PSMG2: variants seen among roughly 807,000 people sequenced by gnomAD.
The protein encoded by PSMG2 is CD40 ligand-activated specific transcript 3.
PSMG2 carries 21 observed loss-of-function variants against 31.5 expected under a neutral mutation model. The observed-to-expected ratio is 0.67, with a 90% CI of 0.47 to 0.96. The LOEUF (loss-of-function observed/expected upper bound fraction) is 0.96, where lower values mean the gene tolerates loss of function less well. Ranked by LOEUF, PSMG2 falls within the 40% of genes least tolerant of loss-of-function variation. PSMG2 has a pLI of 0.00. For missense variants in PSMG2, 318 were observed against 321.2 expected, an observed-to-expected ratio of 0.99 and a Z score of 0.08; for synonymous variants, 120 against 110.4, an observed-to-expected ratio of 1.09 and a Z score of -0.54.
intron 1 of PSMG2, among the ~76,000 whole-genome samples, chr18:12,669,375 G>A (rs2038882652): frequency 1.3e-5 from 2 of 151,854 alleles, no homozygotes; most frequent in Non-Finnish European, 2.9e-5. Context: ...GCCTTCCAAA[G>A]TGCTGGGATT....
At chr18:12,697,087 T>C in intron 1 of PSMG2, 1 of 588,388 alleles carries the variant, frequency 1.7e-6, no homozygotes, top group South Asian at 2.8e-5. Flanking sequence ...GATGCTGAGG[T>C]CCAATTGTAA....
At chr18:12,693,224 G>A (rs2039831089) in intron 1 of PSMG2, among the ~76,000 whole-genome samples, 1 of 152,054 alleles carries the variant, frequency 6.6e-6, no homozygotes, top group Non-Finnish European at 1.5e-5. Flanking sequence ...ATATGACAGT[G>A]GAAATATAAG....
intron 3 of PSMG2, among the ~76,000 whole-genome samples, chr18:12,715,542 G>T (rs2040368490): frequency 6.6e-6 from 1 of 152,098 alleles, no homozygotes; most frequent in African/African-American, 2.4e-5. Flanking sequence ...TCTTGCTCTT[G>T]TCGCCCAGGC....
rs373091705 is a variant in PSMG2 at position 12,691,350 on chromosome 18, T to G, written c.-36-15200T>G. ...CAGGCATAAAATTATTCTAATATAA[T>G]TTACAAACCTGTGCAAAAATCTTAA... On this transcript the variant is annotated intron_variant, in intron 1 of 6. Coordinates refer to the PSMG2 transcript ENST00000585331. The G allele has an allele frequency of 1.1e-4, 162 of 1,536,888 alleles. No homozygotes were observed. The African/African-American group carries it at 1.9e-3, about 18-fold the overall frequency.
intron 5 of PSMG2, chr18:12,724,262 T>G (rs1342137704): frequency 7.6e-6 from 3 of 395,116 alleles, no homozygotes; most frequent in Non-Finnish European, 1.3e-5. Flanking sequence ...GGCTGGTTTT[T>G]CATGCAGCCA....
At chr18:12,708,442 G>A (rs146372076) in intron 2 of PSMG2, among the ~76,000 whole-genome samples, 4,013 of 151,806 alleles carry the variant, frequency 0.026, 187 homozygotes, top group African/African-American at 0.092. Flanking sequence ...TCAGCTCACC[G>A]CAGCCTCCGC....
Position 12,668,179 on chromosome 18 carries a change from C to A in PSMG2, c.-37+9406C>A, listed in dbSNP as rs377119094. Among the ~76,000 whole-genome samples the A allele has an allele frequency of 3.9e-5, 6 of 152,018 alleles. No homozygotes were observed. In the East Asian group the frequency reaches 5.8e-4, roughly 15 times the overall value. On this transcript the variant is annotated intron_variant, in intron 1 of 6. Transcript: ENST00000585331. ...ATTTGGGAGGCTGAGGCAGGAAAATCACCTGAACCTGGGAGGTGGAGGTTG... is the reference window on the plus strand; with the variant it reads ...ATTTGGGAGGCTGAGGCAGGAAAATAACCTGAACCTGGGAGGTGGAGGTTG...
intron 1 of PSMG2, chr18:12,674,441 T>TAA (rs34769779): frequency 6.0e-4 from 429 of 715,086 alleles, no homozygotes; most frequent in Middle Eastern, 1.2e-3. Context: ...GACCTTGAGT[T>TAA]AAAAAAAAAA....
intron 4 of PSMG2, among the ~76,000 whole-genome samples, chr18:12,719,195 G>C (rs879548491): frequency 1.3e-5 from 2 of 151,818 alleles, no homozygotes; most frequent in African/African-American, 4.8e-5. Context: ...GCATGTGTGA[G>C]CCCCCCGCAC....
Position 12,671,916 on chromosome 18 carries a change from G to A in PSMG2, c.-37+13143G>A, listed in dbSNP as rs537532817. On this transcript the variant is annotated intron_variant, in intron 1 of 6. Transcript: ENST00000585331. Reference sequence around the variant, plus strand: ...GCTCATCACAACCTCCGCCTCCCAGGTTCAAGCGATTCTCCTGCCTCAGTC... The same window carrying A: ...GCTCATCACAACCTCCGCCTCCCAGATTCAAGCGATTCTCCTGCCTCAGTC... 2.0e-3 allele frequency among the ~76,000 whole-genome samples: 304 copies of A among 152,152 alleles called. 1 individual carries two copies. Among genetic ancestry groups the A allele is most frequent in the African/African-American group, 6.8e-3 (283 of 41,530 alleles).
At chr18:12,710,682 C>T (rs929257817) in intron 2 of PSMG2, among the ~76,000 whole-genome samples, 13 of 152,146 alleles carry the variant, frequency 8.5e-5, no homozygotes, top group African/African-American at 2.9e-4. Context: ...CTGGAGTTAG[C>T]TCTAAAGGCT....
chr18:12,704,712 G>A (rs1258295823), intron 1 of PSMG2, among the ~76,000 whole-genome samples: 2 of 152,206 alleles, frequency 1.3e-5, no homozygotes, highest in Non-Finnish European at 2.9e-5. Context: ...TGGGGTCAAG[G>A]GAGAGCCTTT....
intron 1 of PSMG2, among the ~76,000 whole-genome samples, chr18:12,687,577 T>G (rs1218309894): frequency 6.6e-6 from 1 of 151,576 alleles, no homozygotes; most frequent in Non-Finnish European, 1.5e-5. Context: ...CTCGGCCTCC[T>G]GAGTAGCTGG....
intron 1 of PSMG2, among the ~76,000 whole-genome samples, chr18:12,697,572 G>A (rs1236514179): frequency 6.6e-6 from 1 of 152,204 alleles, no homozygotes; most frequent in East Asian, 1.9e-4. Context: ...TACAAGTACA[G>A]TCCTATTTCT....
At chr18:12,667,954 A>T (rs2038839002) in intron 1 of PSMG2, among the ~76,000 whole-genome samples, 1 of 150,890 alleles carries the variant, frequency 6.6e-6, no homozygotes, top group Non-Finnish European at 1.5e-5. Context: ...AAATCCAGCC[A>T]CATCAATAAT....
chr18:12,676,279 CTTTTTTTTTT>C (rs1157897766), intron 1 of PSMG2, among the ~76,000 whole-genome samples: 77 of 106,430 alleles, frequency 7.2e-4, no homozygotes, highest in African/African-American at 2.6e-3. Flanking sequence ...ACAGTAATTC[CTTTTTTTTTT>C]TTTTTTTTTT....
intron 3 of PSMG2, 88 bp from the exon 4 acceptor site, chr18:12,718,427 CAT>C (rs1454086143): frequency 1.8e-5 from 11 of 623,088 alleles, no homozygotes; most frequent in Non-Finnish European, 1.0e-5. Context: ...ATCATTATCA[CAT>C]AAAGTTGATG....
chr18:12,682,659 C>T (rs978623908), intron 1 of PSMG2, among the ~76,000 whole-genome samples: 6 of 151,058 alleles, frequency 4.0e-5, no homozygotes, highest in South Asian at 2.1e-4. Flanking sequence ...GACAGAGTCT[C>T]GCTCTGTCAC....
intron 1 of PSMG2, among the ~76,000 whole-genome samples, chr18:12,687,291 C>T (rs1035216364): frequency 6.6e-6 from 1 of 152,018 alleles, no homozygotes; most frequent in African/African-American, 2.4e-5. Context: ...TTCTCCACAA[C>T]CAGAACATCT....
Sources: gnomAD v4.1 joint callset for allele counts (sites outside exome capture counted in the v4.1 genomes callset) on GRCh38, gnomAD v4.1.1 for gene constraint, MANE v1.5 for transcripts, NCBI Gene and HGNC (gene_info 2026-07-23, HGNC 2026-07-21) for gene names.